Variants in PCDHGA3 observed in about 807,000 individuals in gnomAD.
PCDHGA3 encodes protocadherin gamma-A3.
A neutral mutation model predicts 58.5 loss-of-function variants in PCDHGA3; 40 were observed. That is an observed-to-expected ratio of 0.68 (90% CI 0.53 to 0.89). The LOEUF is 0.89. Ranked by LOEUF, PCDHGA3 falls within the 40% of genes least tolerant of loss-of-function variation. PCDHGA3 has a pLI of 0.00. For missense variants in PCDHGA3, 1,223 were observed against 1,195.9 expected (o/e 1.02, Z -0.33); for synonymous variants, 530 against 525.7 (o/e 1.01, Z -0.11).
intron 1 of PCDHGA3, among the ~76,000 whole-genome samples, chr5:141,437,556 T>C (rs1427506223): frequency 6.6e-6 from 1 of 152,228 alleles, no homozygotes; most frequent in African/African-American, 2.4e-5. Context: ...CTTTATGACA[T>C]GTAACAGAGT....
At chr5:141,472,017 T>C (rs2154571143) in intron 1 of PCDHGA3, among the ~76,000 whole-genome samples, 1 of 152,290 alleles carries the variant, frequency 6.6e-6, no homozygotes, top group South Asian at 2.1e-4. Context: ...GGGCACTATA[T>C]TGTATGTAGA....
chr5:141,372,158 G>C, intron 1 of PCDHGA3: 2 of 1,613,800 alleles, frequency 1.2e-6, no homozygotes, highest in Non-Finnish European at 1.7e-6. Context: ...GCTACCTGGT[G>C]ACCAAGGTGG....
chr5:141,476,180 C>T lies in PCDHGA3; in HGVS notation c.2425-18627C>T. The T allele has an allele frequency of 1.2e-6, 2 of 1,613,664 alleles. No individual in the cohort carries two copies. Among genetic ancestry groups the T allele is most frequent in the East Asian group, 4.5e-5 (2 of 44,838 alleles). On this transcript the variant is annotated intron_variant, in intron 1 of 3. Transcript: ENST00000253812. The surrounding 1 kb of genome is among the most constrained non-coding windows in gnomAD (Gnocchi z 7.6). ...CGGGAGGGTAGTGGGAGTTTTGCTT[C>T]TGCTTGGTGCCTTGAACAAGGCTTC...
rs757468959 is a variant in PCDHGA3, at chr5:141,395,139, G to A, written c.2424+48682G>A. On this transcript the variant is annotated intron_variant, in intron 1 of 3. Coordinates refer to ENST00000253812, the MANE Select transcript of PCDHGA3 (RefSeq NM_018916.4). ...CCTGATCTTTCCCCAGCCCAACTAC[G>A]CAGACATGCTCATCAGTCAGGAGGG... 10 of 1,614,026 alleles carry A rather than the reference G, an allele frequency of 6.2e-6. No homozygotes were observed. In the East Asian group the frequency reaches 1.3e-4, roughly 22 times the overall value.
intron 1 of PCDHGA3, chr5:141,355,318 G>T (rs963609371): frequency 1.2e-6 from 2 of 1,613,972 alleles, no homozygotes; most frequent in Non-Finnish European, 1.7e-6. Flanking sequence ...TGAGGAGCAG[G>T]AAGAAGGCTC....
chr5:141,512,942 C>T lies in PCDHGA3; in HGVS notation c.*1769C>T, dbSNP rs1596321854. 3.3e-5 allele frequency: 5 copies of T among 151,644 alleles called. No individual in the cohort carries two copies. The South Asian group carries it at 1.0e-3, about 32-fold the overall frequency. The allele number at this position is 151,644 out of a possible 1,614,324, so 9.4% of individuals were successfully genotyped here. On this transcript the variant is annotated 3_prime_UTR_variant, in exon 4 of 4. Transcript: ENST00000253812. Reference sequence around the variant, plus strand: ...TAATATTTATATGGCTTTTTTTCTTCGACAAAAAAATAATAAAACGTTTCT... The same window carrying T: ...TAATATTTATATGGCTTTTTTTCTTTGACAAAAAAATAATAAAACGTTTCT...
rs756993242 is a variant in PCDHGA3 at position 141,432,265 on chromosome 5, G to T, written c.2425-62542G>T. 2.5e-6 allele frequency: 4 copies of T among 1,614,210 alleles called. No homozygotes were observed. The South Asian group carries it at 3.3e-5, about 13-fold the overall frequency. ...ACACCATCCAAGGGGCAAGCCTATC[G>T]TCCTACGTGTCCATCAACTCCGACA... On this transcript the variant is annotated intron_variant, in intron 1 of 3. Coordinates refer to ENST00000253812, the MANE Select transcript of PCDHGA3 (RefSeq NM_018916.4). This position sits in a 1 kb window ranked among gnomAD's most constrained non-coding sequence, Gnocchi z 6.0.
Position 141,376,600 on chromosome 5 carries a change from G to C in PCDHGA3, c.2424+30143G>C, listed in dbSNP as rs1772879011. ...CTCATCAGCTAGATCGGCTGTTATAGAAGCGAACCTCTTTTGGTACAGGAA... is the reference window on the plus strand; with the variant it reads ...CTCATCAGCTAGATCGGCTGTTATACAAGCGAACCTCTTTTGGTACAGGAA... On this transcript the variant is annotated intron_variant, in intron 1 of 3. Transcript: ENST00000253812. The C allele has an allele frequency of 2.6e-6, 4 of 1,518,830 alleles. No homozygotes were observed. The African/African-American group carries it at 4.2e-5, about 16-fold the overall frequency. The allele number at this position is 1,518,830 out of a possible 1,614,324, so 94.1% of individuals were successfully genotyped here.
chr5:141,398,563 G>A lies in PCDHGA3; in HGVS notation c.2424+52106G>A, dbSNP rs375890903. The A allele has an allele frequency of 2.4e-5, 39 of 1,613,842 alleles. No individual in the cohort carries two copies. The African/African-American group carries it at 3.2e-4, about 13-fold the overall frequency. On this transcript the variant is annotated intron_variant, in intron 1 of 3. Coordinates refer to ENST00000253812, the MANE Select transcript of PCDHGA3 (RefSeq NM_018916.4). Reference sequence around the variant, plus strand: ...CTTTGAGCTGCAAATAAGTGAGTCTGCACAGCCTGGCACAAGATTTATACT... The same window carrying A: ...CTTTGAGCTGCAAATAAGTGAGTCTACACAGCCTGGCACAAGATTTATACT...
In PCDHGA3 at chr5:141,415,739, G is replaced by GTTTT; in HGVS notation, c.2424+69282_2424+69283insTTTT. On this transcript the variant is annotated intron_variant, in intron 1 of 3. Transcript: ENST00000253812. The stretch of plus-strand genomic sequence containing the variant: ...ATGAGTAGAATTTGATGTTTATTAA[G>GTTTT]GTTTTTTTTTTTTTTTTTTTTTTTT... 9.2e-6 allele frequency: 4 copies of GTTTT among 434,946 alleles called. No homozygotes were observed. In the African/African-American group the frequency reaches 1.3e-4, roughly 14 times the overall value. 26.9% of individuals were successfully genotyped at this position (434,946 alleles called of 1,614,324 possible).
At chr5:141,415,737 A>G in intron 1 of PCDHGA3, 1 of 574,948 alleles carries the variant, frequency 1.7e-6, no homozygotes, top group Non-Finnish European at 2.5e-6. Flanking sequence ...GATGTTTATT[A>G]AGGTTTTTTT....
intron 1 of PCDHGA3, chr5:141,421,453 T>G: frequency 1.2e-6 from 2 of 1,614,102 alleles, no homozygotes; most frequent in Middle Eastern, 1.6e-4. Context: ...GACACAGCTT[T>G]TCGCTGTGAA....
chr5:141,421,047 C>G, intron 1 of PCDHGA3: 1 of 552,794 alleles, frequency 1.8e-6, no homozygotes, highest in Middle Eastern at 4.8e-4. Flanking sequence ...CCTCCCCCGC[C>G]TCTACCACAC....
At chr5:141,414,363 T>C in intron 1 of PCDHGA3, 3 of 1,613,910 alleles carry the variant, frequency 1.9e-6, no homozygotes, top group Non-Finnish European at 1.7e-6. Context: ...ATCTACCATT[T>C]AAATTAGAAA....
At position 141,410,277 on chromosome 5, in the gene PCDHGA3, T is replaced by C. The variant is rs1461250700; in HGVS notation, c.2424+63820T>C. 2.5e-6 allele frequency: 4 copies of C among 1,614,014 alleles called. No homozygotes were observed. In the Admixed American group the frequency reaches 6.7e-5, roughly 27 times the overall value. ...CCCCAGGCTGAACTGCAGTTTTACC[T>C]GGTGGTGGCCTTGGCCTTAATCTCA... On this transcript the variant is annotated intron_variant, in intron 1 of 3. Transcript: ENST00000253812.
intron 1 of PCDHGA3, chr5:141,382,741 C>G: frequency 3.4e-6 from 2 of 582,496 alleles, no homozygotes; most frequent in East Asian, 2.8e-5. Context: ...AGAGAAACGA[C>G]AGATTGCGAT....
chr5:141,421,784 G>C, intron 1 of PCDHGA3: 1 of 1,613,874 alleles, frequency 6.2e-7, no homozygotes, highest in Non-Finnish European at 8.5e-7. Context: ...CTGCGGGGCA[G>C]AACGGATGGG....
intron 2 of PCDHGA3, among the ~76,000 whole-genome samples, chr5:141,500,259 A>G (rs1595658540): frequency 6.6e-6 from 1 of 151,044 alleles, no homozygotes; most frequent in East Asian, 2.0e-4. Context: ...CCCAGGCTGG[A>G]CTGCAGTGGC....
intron 1 of PCDHGA3, chr5:141,365,949 C>A: frequency 6.2e-7 from 1 of 1,614,242 alleles, no homozygotes; most frequent in Non-Finnish European, 8.5e-7. Context: ...AGTGGGAACC[C>A]TCCACTTAGC....
Sources: gnomAD v4.1 joint callset for allele counts (sites outside exome capture counted in the v4.1 genomes callset) on GRCh38, gnomAD v4.1.1 for gene constraint, Gnocchi (gnomAD v3.1) non-coding constraint, MANE v1.5 for transcripts, NCBI Gene and HGNC (gene_info 2026-07-23, HGNC 2026-07-21) for gene names.